The following RAD51B variants were observed in gnomAD, a reference collection of about 807,000 sequenced individuals.
RAD51B encodes the protein DNA repair protein RAD51 homolog 2.
RAD51B carries 38 observed loss-of-function variants against 42.2 expected under a neutral mutation model. That is an observed-to-expected ratio of 0.90 (90% CI 0.70 to 1.18). The LOEUF (loss-of-function observed/expected upper bound fraction) is 1.18, where lower values mean the gene tolerates loss of function less well. Among genes scored for constraint, RAD51B ranks in the 50% most tolerant of loss-of-function variants. The pLI is 0.00. For missense variants in RAD51B, 373 were observed against 400.7 expected, an observed-to-expected ratio of 0.93 and a Z score of 0.59; for synonymous variants, 154 against 145.2, an observed-to-expected ratio of 1.06 and a Z score of -0.43.
intron 8 of RAD51B, among the ~76,000 whole-genome samples, chr14:68,296,126 C>T (rs951858533): frequency 6.6e-6 from 1 of 152,112 alleles, no homozygotes; most frequent in African/African-American, 2.4e-5. Context: ...TCATTTTTCC[C>T]ACTCTGTAAA....
intron 8 of RAD51B, among the ~76,000 whole-genome samples, chr14:68,307,766 T>G (rs2139714331): frequency 6.6e-6 from 1 of 152,370 alleles, no homozygotes; most frequent in South Asian, 2.1e-4. Flanking sequence ...GAAAGGCTAA[T>G]AAACTGGATT....
At chr14:68,381,106 A>G (rs1214892212) in intron 8 of RAD51B, among the ~76,000 whole-genome samples, 3 of 152,240 alleles carry the variant, frequency 2.0e-5, no homozygotes, top group Middle Eastern at 3.4e-3. Flanking sequence ...TGTCCTGTCA[A>G]TTGTCAAATT....
rs192334379 is a variant in RAD51B, at chr14:68,348,824, G to A, written c.853+56844G>A. On this transcript the variant is annotated intron_variant, in intron 8 of 10. Coordinates refer to ENST00000471583, the MANE Select transcript of RAD51B (RefSeq NM_133510.4). ...TGAGGCAGGAGAATGGCATGAACCC[G>A]GGAGGCAGAGCTTTCAGTGAGCCAA... Among the ~76,000 whole-genome samples, 162 of 152,318 alleles carry A rather than the reference G, an allele frequency of 1.1e-3. 1 individual carries two copies. Among genetic ancestry groups the A allele is most frequent in the Non-Finnish European group, 1.8e-3 (125 of 68,018 alleles).
intron 7 of RAD51B, among the ~76,000 whole-genome samples, chr14:68,113,000 G>C (rs1457456563): frequency 6.6e-6 from 1 of 152,058 alleles, no homozygotes; most frequent in Non-Finnish European, 1.5e-5. Flanking sequence ...GTAAGATTTT[G>C]ACCTACCATA....
At chr14:68,051,071 G>T (rs2076385290) in intron 7 of RAD51B, among the ~76,000 whole-genome samples, 1 of 151,566 alleles carries the variant, frequency 6.6e-6, no homozygotes, top group African/African-American at 2.4e-5. Context: ...AAGAATAATT[G>T]TCATTCATAG....
chr14:68,612,742 G>C (rs1273665198), downstream of RAD51B, among the ~76,000 whole-genome samples: 1 of 151,412 alleles, frequency 6.6e-6, no homozygotes, highest in African/African-American at 2.4e-5. Context: ...CCCCTAAACA[G>C]TACAGTTAAA....
chr14:68,045,295 T>C (rs1273447353), intron 7 of RAD51B, among the ~76,000 whole-genome samples: 1 of 149,838 alleles, frequency 6.7e-6, no homozygotes, highest in African/African-American at 2.5e-5. Flanking sequence ...TACTACATTA[T>C]TGAGAGCATA....
At chr14:68,610,053 C>T (rs1473962593) in intron 10 of RAD51B, among the ~76,000 whole-genome samples, 3 of 152,168 alleles carry the variant, frequency 2.0e-5, no homozygotes, top group African/African-American at 7.2e-5. Context: ...TTCCAGCTCC[C>T]CAGATCCCCA....
chr14:67,863,351 A>G (rs1419973313), intron 4 of RAD51B, among the ~76,000 whole-genome samples: 4 of 152,100 alleles, frequency 2.6e-5, no homozygotes, highest in Non-Finnish European at 1.5e-5. Flanking sequence ...CTCAAAGTAT[A>G]TAATAACATC....
At chr14:68,306,661 A>G (rs776619310) in intron 8 of RAD51B, 35 of 514,504 alleles carry the variant, frequency 6.8e-5, no homozygotes, top group Admixed American at 6.5e-4. Flanking sequence ...TTGCAATTCT[A>G]AATGTACCTA....
chr14:67,885,955 A>G lies in RAD51B; in HGVS notation c.539A>G (p.Tyr180Cys), dbSNP rs28910275. The G allele has an allele frequency of 4.7e-3, 7,631 of 1,607,022 alleles. 94 individuals carry two copies. Among genetic ancestry groups the G allele is most frequent in the Non-Finnish European group, 3.5e-3 (4,056 of 1,174,942 alleles). The change falls in exon 6 of 11, where the codon TAT becomes TGT. Residue 180 changes from tyrosine (Y) to cysteine (C), a missense_variant. By Grantham distance (194) the Tyr-to-Cys change is radical. Coordinates refer to ENST00000471583, the MANE Select transcript of RAD51B (RefSeq NM_133510.4). Reference sequence around the variant, plus strand: ...TTGACAAGTAGTAAAGTTCATCTTTATCGGGAACTCACCTGTGATGAAGTT... The same window carrying G: ...TTGACAAGTAGTAAAGTTCATCTTTGTCGGGAACTCACCTGTGATGAAGTT... ...LLLTSSKVHL[Y>C]RELTCDEVLQ...
At chr14:68,306,116 C>G (rs548346085) in intron 8 of RAD51B, among the ~76,000 whole-genome samples, 4 of 152,280 alleles carry the variant, frequency 2.6e-5, no homozygotes, top group African/African-American at 9.6e-5. Context: ...AAACTGTTAA[C>G]CTTGAAAGTT....
chr14:67,957,274 G>A (rs984060758), intron 7 of RAD51B, among the ~76,000 whole-genome samples: 1 of 152,246 alleles, frequency 6.6e-6, no homozygotes, highest in Non-Finnish European at 1.5e-5. Context: ...GCTTGGATGT[G>A]AAAGAACATG....
At chr14:68,669,561 C>T (rs1893108733) in intron 11 of RAD51B, among the ~76,000 whole-genome samples, 1 of 151,978 alleles carries the variant, frequency 6.6e-6, no homozygotes, top group Non-Finnish European at 1.5e-5. Context: ...GTTTTCTGGT[C>T]TTTATTCCGT....
At chr14:68,464,402 A>G (rs1027396096) in intron 9 of RAD51B, among the ~76,000 whole-genome samples, 1 of 152,150 alleles carries the variant, frequency 6.6e-6, no homozygotes, top group African/African-American at 2.4e-5. Context: ...TGAACATAAC[A>G]TATTTTATTT....
At chr14:67,883,035 G>C (rs1017981861) in intron 5 of RAD51B, among the ~76,000 whole-genome samples, 3 of 152,288 alleles carry the variant, frequency 2.0e-5, no homozygotes, top group African/African-American at 7.2e-5. Flanking sequence ...GTGAGCCACC[G>C]TGCCCGGCCA....
intron 7 of RAD51B, among the ~76,000 whole-genome samples, chr14:68,019,248 A>C (rs1264336212): frequency 6.6e-6 from 1 of 152,204 alleles, no homozygotes; most frequent in Non-Finnish European, 1.5e-5. Flanking sequence ...CAAAACCTAC[A>C]GAGTACCGCT....
At chr14:67,881,557 C>T (rs1372694330) in intron 5 of RAD51B, among the ~76,000 whole-genome samples, 2 of 152,174 alleles carry the variant, frequency 1.3e-5, no homozygotes, top group East Asian at 1.9e-4. Flanking sequence ...TCCCAAACTC[C>T]GATCCCCATC....
chr14:68,353,652 G>A (rs1347546828), intron 8 of RAD51B, among the ~76,000 whole-genome samples: 4 of 152,234 alleles, frequency 2.6e-5, no homozygotes, highest in Non-Finnish European at 5.9e-5. Flanking sequence ...GGATAAAAAC[G>A]TGGAGGCAGA....
Sources: allele counts gnomAD v4.1 joint callset (sites outside exome capture counted in the v4.1 genomes callset), GRCh38; gene constraint gnomAD v4.1.1; transcripts MANE v1.5; gene names NCBI Gene and HGNC (gene_info 2026-07-23, HGNC 2026-07-21).